PITPNM3: variants seen among roughly 807,000 people sequenced by gnomAD.
PITPNM3 encodes the protein PITPNM family member 3.
In PITPNM3, 26 loss-of-function variants were observed where a neutral mutation model predicts 102.0. The ratio of observed to expected loss-of-function variants is 0.25; its 90% CI spans 0.19 to 0.35. The LOEUF (loss-of-function observed/expected upper bound fraction) is 0.35, where lower values mean the gene tolerates loss of function less well. Among genes scored for constraint, PITPNM3 ranks in the 10% least tolerant of loss-of-function variants. The probability of loss-of-function intolerance (pLI) is 1.00; values close to 1 mark genes in which losing one functional copy is unlikely to be tolerated. For synonymous variants in PITPNM3, 578 were observed against 558.6 expected (o/e 1.03, Z -0.49); for missense variants, 1,083 against 1,346.1 (o/e 0.80, Z 3.06).
At chr17:6,513,731 G>A (rs1907998293) in intron 3 of PITPNM3, among the ~76,000 whole-genome samples, 1 of 152,190 alleles carries the variant, frequency 6.6e-6, no homozygotes, top group Non-Finnish European at 1.5e-5. Flanking sequence ...TTGATCTACA[G>A]AGTCAACACA....
chr17:6,523,986 G>A (rs1438283611), intron 3 of PITPNM3, among the ~76,000 whole-genome samples: 2 of 152,226 alleles, frequency 1.3e-5, no homozygotes, highest in Non-Finnish European at 2.9e-5. Context: ...CCACCAGCTT[G>A]GGGGACTTTG....
At chr17:6,503,380 C>A (rs982891544) in intron 4 of PITPNM3, 147 bp downstream of exon 4, 32 of 906,910 alleles carry the variant, frequency 3.5e-5, no homozygotes, top group South Asian at 3.0e-5. Flanking sequence ...CTGAGTGACC[C>A]CAGGCCCTCC....
chr17:6,456,824 T>G (rs1914137795), intron 19 of PITPNM3, among the ~76,000 whole-genome samples: 3 of 152,162 alleles, frequency 2.0e-5, no homozygotes, highest in Non-Finnish European at 4.4e-5. Context: ...GTAGCTGTCC[T>G]CCACCTTCCC....
chr17:6,463,638 T>A, intron 17 of PITPNM3, 94 bp downstream of exon 17: 3 of 1,504,400 alleles, frequency 2.0e-6, no homozygotes, highest in Non-Finnish European at 2.7e-6. Context: ...CCGGTAGAAT[T>A]CCTACAGCAA....
At chr17:6,489,164 C>T (rs1283448435) in intron 4 of PITPNM3, among the ~76,000 whole-genome samples, 1 of 152,208 alleles carries the variant, frequency 6.6e-6, no homozygotes, top group Non-Finnish European at 1.5e-5. Flanking sequence ...TCATCACCCA[C>T]ACACTCAGCA....
intron 1 of PITPNM3, 81 bp from the exon 2 acceptor site, chr17:6,538,163 T>C: frequency 6.0e-6 from 6 of 1,002,292 alleles, no homozygotes; most frequent in Non-Finnish European, 3.1e-6. Flanking sequence ...CCCCCTGGAC[T>C]AAAGGCCAGT....
intron 3 of PITPNM3, among the ~76,000 whole-genome samples, chr17:6,511,841 C>G (rs567585737): frequency 1.3e-5 from 2 of 152,168 alleles, no homozygotes; most frequent in South Asian, 4.2e-4. Context: ...AAAAATTAGC[C>G]ATGGGGGGCA....
rs773017821 is a variant in PITPNM3, at chr17:6,464,239, C to T, written c.2087G>A (p.Arg696His). Residue 696 changes from arginine to histidine, a missense_variant, in exon 16 of 20, where the codon CGC (arginine) becomes CAC (histidine). This residue lies in a region of PITPNM3 where 410 missense variants were observed against 638.4 expected (regional missense o/e 0.64). Transcript: ENST00000262483. Reference protein sequence around the residue: ...LDTEITNSSGRITYNVPRPRR... With the variant: ...LDTEITNSSGHITYNVPRPRR... ...GGGCCGCGGCACATTGTATGTGATGCGACCACTGCTGTTGGTGATCTCTGT... is the reference window on the plus strand; with the variant it reads ...GGGCCGCGGCACATTGTATGTGATGTGACCACTGCTGTTGGTGATCTCTGT... 5 of 1,614,154 alleles carry T rather than the reference C, an allele frequency of 3.1e-6. No homozygotes were observed. Among genetic ancestry groups the T allele is most frequent in the Non-Finnish European group, 4.2e-6 (5 of 1,180,030 alleles).
chr17:6,516,427 G>A (rs1414407994), intron 3 of PITPNM3, among the ~76,000 whole-genome samples: 1 of 150,626 alleles, frequency 6.6e-6, no homozygotes, highest in Admixed American at 6.6e-5. Context: ...AGCCAGGCGT[G>A]GTGGCGGGCA....
At position 6,478,624 on chromosome 17, in the gene PITPNM3, C is replaced by G; in HGVS notation, c.700G>C (p.Ala234Pro). 6.2e-7 allele frequency: 1 copy of G among 1,614,008 alleles called. No individual in the cohort carries two copies. Reference protein sequence around the residue: ...ISSPQYQDAVATVIERANQVY... With the variant: ...ISSPQYQDAVPTVIERANQVY... ...TGGTTGGCTCGCTCGATGACGGTGG[C>G]GACAGCATCCTGGTACTGCGGGGAG... The change falls in exon 7 of 20, where the codon GCC becomes CCC. Residue 234 changes from alanine to proline, a missense_variant. Physicochemically the swap from Ala to Pro is conservative, Grantham distance 27. This residue lies in a region of PITPNM3 where 290 missense variants were observed against 337.8 expected (regional missense o/e 0.86). Coordinates refer to ENST00000262483, the MANE Select transcript of PITPNM3 (RefSeq NM_031220.4). The surrounding 1 kb of genome is among the most constrained non-coding windows in gnomAD (Gnocchi z 4.4).
intron 4 of PITPNM3, among the ~76,000 whole-genome samples, chr17:6,499,627 C>A (rs887469888): frequency 6.6e-6 from 1 of 152,230 alleles, no homozygotes; most frequent in Non-Finnish European, 1.5e-5. Flanking sequence ...CCAGCCTGTG[C>A]GGATCCTAGT....
At chr17:6,534,670 G>T (rs1170401892) in intron 2 of PITPNM3, among the ~76,000 whole-genome samples, 1 of 152,246 alleles carries the variant, frequency 6.6e-6, no homozygotes, top group African/African-American at 2.4e-5. Context: ...CACTGAGGAG[G>T]AAGGAGATAC....
chr17:6,503,558 C>T lies in PITPNM3; in HGVS notation c.243G>A (p.Pro81=), dbSNP rs773821376. 99 of 1,611,744 alleles carry T rather than the reference C, an allele frequency of 6.1e-5. No individual in the cohort carries two copies. Among genetic ancestry groups the T allele is most frequent in the Non-Finnish European group, 6.9e-5 (82 of 1,180,010 alleles). The change falls in exon 4 of 20, where the codon CCG becomes CCA. Residue 81 remains proline (P), a synonymous_variant. Transcript: ENST00000262483. ...TCTCCTGGAGGATGCTGGATGTGCA[C>T]GGCGCGGTCCCTTCTCCTGCAGAAA... ...LDEHQGEGTA[P]CTSSILQEKQ...
At chr17:6,524,444 A>G (rs1269969117) in intron 3 of PITPNM3, among the ~76,000 whole-genome samples, 1 of 152,210 alleles carries the variant, frequency 6.6e-6, no homozygotes, top group Non-Finnish European at 1.5e-5. Context: ...TTCTCACTCC[A>G]TTGTAACATT....
chr17:6,492,216 C>G (rs1193970294), intron 4 of PITPNM3, among the ~76,000 whole-genome samples: 4 of 148,518 alleles, frequency 2.7e-5, no homozygotes, highest in African/African-American at 5.0e-5. Flanking sequence ...GGCGCCCCCC[C>G]ACCATGCCCA....
intron 4 of PITPNM3, among the ~76,000 whole-genome samples, chr17:6,503,246 C>A (rs570152228): frequency 7.9e-5 from 12 of 152,324 alleles, no homozygotes; most frequent in South Asian, 2.1e-4. Flanking sequence ...AGCCTCCCAC[C>A]CCTCACTCTG....
chr17:6,464,113 G>A (rs1477865456), intron 16 of PITPNM3, 57 bp downstream of exon 16: 17 of 1,611,804 alleles, frequency 1.1e-5, no homozygotes, highest in African/African-American at 5.3e-5. Flanking sequence ...GACAGGCCTG[G>A]CTGGAAGGGC....
At chr17:6,503,826 G>C (rs1326318745) in intron 3 of PITPNM3, among the ~76,000 whole-genome samples, 1 of 152,112 alleles carries the variant, frequency 6.6e-6, no homozygotes, top group East Asian at 1.9e-4. Flanking sequence ...TTTCACCTCT[G>C]TCTTGTCCTC....
chr17:6,524,887 T>A (rs1694070256), intron 3 of PITPNM3, among the ~76,000 whole-genome samples: 1 of 152,192 alleles, frequency 6.6e-6, no homozygotes, highest in South Asian at 2.1e-4. Context: ...GAAAGCCTCC[T>A]GGATTAATCC....
Sources: allele counts gnomAD v4.1 joint callset (sites outside exome capture counted in the v4.1 genomes callset), GRCh38; gene constraint gnomAD v4.1.1; regional missense constraint gnomAD v4.1.1; non-coding constraint Gnocchi (gnomAD v3.1); transcripts MANE v1.5; gene names NCBI Gene and HGNC (gene_info 2026-07-23, HGNC 2026-07-21).